Variants in STX8 observed in about 807,000 individuals in gnomAD.
STX8 encodes syntaxin 8.
Under a neutral mutation model 37.5 loss-of-function variants are expected in STX8, and 23 were observed. That is an observed-to-expected ratio of 0.61 (90% CI 0.44 to 0.87). The LOEUF (loss-of-function observed/expected upper bound fraction) is 0.87. Ranked by LOEUF, STX8 falls within the 40% of genes least tolerant of loss-of-function variation. The probability of loss-of-function intolerance (pLI) is 0.00; values close to 1 mark genes in which losing one functional copy is unlikely to be tolerated. For missense variants in STX8, 313 were observed against 284.7 expected (o/e 1.10, Z -0.71); for synonymous variants, 115 against 99.1 (o/e 1.16, Z -0.95).
intron 4 of STX8, among the ~76,000 whole-genome samples, chr17:9,542,657 A>G (rs1906328921): frequency 6.6e-6 from 1 of 152,110 alleles, no homozygotes; most frequent in Non-Finnish European, 1.5e-5. Context: ...AGCCTGGGCG[A>G]CAGAGCAAGA....
At chr17:9,266,639 C>T (rs1264585297) in intron 7 of STX8, among the ~76,000 whole-genome samples, 3 of 152,088 alleles carry the variant, frequency 2.0e-5, no homozygotes, top group Non-Finnish European at 4.4e-5. Context: ...ACTAGTGCCG[C>T]TTCTGGTGCT....
At chr17:9,472,037 T>G (rs1482481511) in intron 6 of STX8, among the ~76,000 whole-genome samples, 5 of 151,282 alleles carry the variant, frequency 3.3e-5, no homozygotes, top group African/African-American at 1.2e-4. Context: ...ATCATAATAT[T>G]AAATCCTAAA....
intron 6 of STX8, among the ~76,000 whole-genome samples, chr17:9,459,209 A>T (rs979510473): frequency 3.3e-5 from 5 of 152,322 alleles, no homozygotes; most frequent in Middle Eastern, 3.4e-3. Context: ...ACTAGGTGAG[A>T]GGGTAAAAAC....
chr17:9,440,952 C>T (rs764262586), intron 6 of STX8, among the ~76,000 whole-genome samples: 5 of 152,138 alleles, frequency 3.3e-5, no homozygotes, highest in Non-Finnish European at 5.9e-5. Context: ...ACTCCTCCTT[C>T]GCTTCACCAT....
At chr17:9,404,675 G>C (rs573889409) in intron 6 of STX8, among the ~76,000 whole-genome samples, 2 of 152,044 alleles carry the variant, frequency 1.3e-5, no homozygotes, top group African/African-American at 2.4e-5. Flanking sequence ...GGATGGTTTC[G>C]ATCTCCTGAC....
At chr17:9,564,668 A>G (rs1450329733) in intron 2 of STX8, among the ~76,000 whole-genome samples, 1 of 152,218 alleles carries the variant, frequency 6.6e-6, no homozygotes, top group Non-Finnish European at 1.5e-5. Flanking sequence ...GATCTCTACA[A>G]GAAGAACTAC....
rs958641572 is a variant in STX8, at chr17:9,365,472, G to C, written c.643+13080C>G. Among the ~76,000 whole-genome samples, 7 of 152,248 alleles carry C rather than the reference G, an allele frequency of 4.6e-5. No homozygotes were observed. The East Asian group carries it at 1.2e-3, about 25-fold the overall frequency. On this transcript the variant is annotated intron_variant, in intron 7 of 7. Coordinates refer to ENST00000306357, the MANE Select transcript of STX8 (RefSeq NM_004853.3). Reference sequence around the variant, plus strand: ...CTTATTTTGGGACAAAGAACATGTAGACATGGAAAAGGTGTTGCAGGCAAT... The same window carrying C: ...CTTATTTTGGGACAAAGAACATGTACACATGGAAAAGGTGTTGCAGGCAAT...
At chr17:9,329,050 CA>C (rs998679728) in intron 7 of STX8, among the ~76,000 whole-genome samples, 180 of 27,968 alleles carry the variant, frequency 6.4e-3, no homozygotes, top group Middle Eastern at 0.033. Context: ...GATTCCATCT[CA>C]AAAAAAAAAA....
chr17:9,560,397 C>CAA (rs36044353), intron 2 of STX8, among the ~76,000 whole-genome samples: 65,233 of 93,056 alleles, frequency 0.7, 23,854 homozygotes, highest in East Asian at 0.94. Context: ...GACTCCATCT[C>CAA]AAAAAAAAAA....
At chr17:9,501,168 C>T (rs1475775429) in intron 5 of STX8, among the ~76,000 whole-genome samples, 1 of 152,076 alleles carries the variant, frequency 6.6e-6, no homozygotes, top group Non-Finnish European at 1.5e-5. Flanking sequence ...TCAATGTAAT[C>T]CCAATCAAAT....
intron 6 of STX8, among the ~76,000 whole-genome samples, chr17:9,380,392 G>A (rs970571852): frequency 1.1e-4 from 16 of 151,264 alleles, no homozygotes; most frequent in African/African-American, 3.9e-4. Flanking sequence ...AGCTGAGACT[G>A]TAAGCATGTG....
intron 1 of STX8, among the ~76,000 whole-genome samples, chr17:9,571,452 G>A (rs951160352): frequency 2.7e-5 from 4 of 148,168 alleles, no homozygotes; most frequent in East Asian, 4.1e-4. Context: ...AAGCACACAG[G>A]TGCCTGAAGT....
At chr17:9,540,014 G>A (rs1906213320) in intron 4 of STX8, among the ~76,000 whole-genome samples, 1 of 152,170 alleles carries the variant, frequency 6.6e-6, no homozygotes, top group South Asian at 2.1e-4. Flanking sequence ...TGGAAGGCTA[G>A]GTCCAACAAG....
At chr17:9,349,308 TTTC>T (rs1312651873) in intron 7 of STX8, among the ~76,000 whole-genome samples, 33 of 147,928 alleles carry the variant, frequency 2.2e-4, no homozygotes, top group African/African-American at 7.5e-4. Context: ...ATAAATTTAT[TTTC>T]TTTTCTTTTT....
At chr17:9,407,365 G>GA (rs1305349633) in intron 6 of STX8, among the ~76,000 whole-genome samples, 1 of 151,980 alleles carries the variant, frequency 6.6e-6, no homozygotes, top group East Asian at 1.9e-4. Context: ...GAGGGAGATA[G>GA]AAAAAACAAA....
intron 4 of STX8, among the ~76,000 whole-genome samples, chr17:9,534,997 GAGA>G (rs1905969848): frequency 6.6e-6 from 1 of 152,138 alleles, no homozygotes; most frequent in Non-Finnish European, 1.5e-5. Flanking sequence ...ATCTGAAGAT[GAGA>G]AGATGAACTA....
intron 6 of STX8, among the ~76,000 whole-genome samples, chr17:9,445,442 AATGGCATGC>A (rs1904805215): frequency 2.2e-5 from 3 of 139,492 alleles, no homozygotes; most frequent in African/African-American, 7.9e-5. Flanking sequence ...CAGAAAGAAG[AATGGCATGC>A]CCCTGGGTTT....
At chr17:9,253,207 G>GGGGTGTGTGT (rs750265739) in intron 7 of STX8, among the ~76,000 whole-genome samples, 26 of 140,938 alleles carry the variant, frequency 1.8e-4, no homozygotes, top group South Asian at 7.2e-4. Context: ...CAGGGGTAGG[G>GGGGTGTGTGT]GTGTGTGTGT....
rs1402662523 is a variant in STX8 at position 9,575,796 on chromosome 17, G to C, written c.13C>G (p.Pro5Ala). Residue 5 changes from proline to alanine, a missense_variant, in exon 1 of 8, where the codon CCC becomes GCC. By Grantham distance (27) the Pro-to-Ala change is conservative. Transcript: ENST00000306357. ...CCGCCCTCACCCGGGACTCACCAGGGGTCCGGTGCCATCCTGCAGACTCCG... is the reference window on the plus strand; with the variant it reads ...CCGCCCTCACCCGGGACTCACCAGGCGTCCGGTGCCATCCTGCAGACTCCG... MAPD[P>A]WFSTYDSTCQ... 1 of 1,543,378 alleles carries C rather than the reference G, an allele frequency of 6.5e-7. No homozygotes were observed. The highest frequency in any genetic ancestry group is 1.4e-5 in the African/African-American group (1 of 73,042).
Sources: gnomAD v4.1 joint callset for allele counts (sites outside exome capture counted in the v4.1 genomes callset) on GRCh38, gnomAD v4.1.1 for gene constraint, MANE v1.5 for transcripts, NCBI Gene and HGNC (gene_info 2026-07-23, HGNC 2026-07-21) for gene names.